Variants in RBPJ observed in about 807,000 individuals in gnomAD.
RBPJ encodes the protein recombination signal binding protein for immunoglobulin kappa J region.
RBPJ carries 9 observed loss-of-function variants against 67.8 expected under a neutral mutation model. That is an observed-to-expected ratio of 0.13 (90% confidence interval 0.08 to 0.23). The LOEUF is 0.23. Among genes scored for constraint, RBPJ ranks in the 10% least tolerant of loss-of-function variants. The pLI is 1.00. For missense variants in RBPJ, 305 were observed against 595.6 expected (o/e 0.51, Z 5.08); for synonymous variants, 198 against 203.3 (o/e 0.97, Z 0.22).
rs998357403 is a variant in RBPJ at position 26,433,891 on chromosome 4, T to C, written c.*2884T>C. 16 of 152,240 alleles carry C rather than the reference T, an allele frequency of 1.1e-4. No homozygotes were observed. The highest frequency in any genetic ancestry group is 3.9e-4 in the African/African-American group (16 of 41,464). The allele number at this position is 152,240 out of a possible 1,614,324, so 9.4% of individuals were successfully genotyped here. The stretch of plus-strand genomic sequence containing the variant: ...GTCATTTACCCTCAGAAAGACTCTC[T>C]TATTAGAATGGTGAGTGCTTCAGTT... On this transcript the variant is annotated 3_prime_UTR_variant, in exon 11 of 11. Transcript: ENST00000355476.
intron 1 of RBPJ, among the ~76,000 whole-genome samples, chr4:26,372,647 C>T (rs1366609238): frequency 2.6e-5 from 4 of 152,144 alleles, no homozygotes; most frequent in South Asian, 2.1e-4. Flanking sequence ...TCTCTCAAGG[C>T]TTTCCCTCCT....
chr4:26,416,662 C>T (rs1488829039), intron 4 of RBPJ, among the ~76,000 whole-genome samples: 3 of 152,138 alleles, frequency 2.0e-5, no homozygotes, highest in East Asian at 1.9e-4. Context: ...TCTAAAATAG[C>T]GCATAAACAG....
At chr4:26,320,397 T>C (rs1339215342), upstream of RBPJ, among the ~76,000 whole-genome samples, 8 of 151,300 alleles carry the variant, frequency 5.3e-5, no homozygotes, top group Admixed American at 2.6e-4. Context: ...CATGGGGGGG[T>C]GTAATGAATG....
At position 26,433,235 on chromosome 4, in the gene RBPJ, T is replaced by C. The variant is rs186932258; in HGVS notation, c.*2228T>C. ...TTGTTGTAATTGTTCACTGTCTCTT[T>C]CTTACAGACCACTTATTTCTGAGTA... On this transcript the variant is annotated 3_prime_UTR_variant, in exon 11 of 11. Coordinates refer to ENST00000355476, the MANE Select transcript of RBPJ (RefSeq NM_015874.6). 1 of 152,332 alleles carries C rather than the reference T, an allele frequency of 6.6e-6. No homozygotes were observed. Among genetic ancestry groups the C allele is most frequent in the African/African-American group, 2.4e-5 (1 of 41,570 alleles). 9.4% of individuals were successfully genotyped at this position (152,332 alleles called of 1,614,324 possible).
At chr4:26,250,098 TCATCATTCCA>T (rs1720059043) in intron 1 of RBPJ, among the ~76,000 whole-genome samples, 2 of 152,028 alleles carry the variant, frequency 1.3e-5, no homozygotes, top group East Asian at 3.9e-4. Flanking sequence ...CCGAACTTTT[TCATCATTCCA>T]AATAGAAACT....
Position 26,372,678 on chromosome 4 carries a change from T to G in RBPJ, c.21-13675T>G, listed in dbSNP as rs142168185. On this transcript the variant is annotated intron_variant, in intron 1 of 10. Transcript: ENST00000355476. ...CTCCTATACTAGTGTTTCCATAAGT[T>G]ACTGATGATGTGTACTTTAATCAGT... Among the ~76,000 whole-genome samples, 7 of 152,340 alleles carry G rather than the reference T, an allele frequency of 4.6e-5. No individual in the cohort carries two copies. The East Asian group carries it at 1.3e-3, about 29-fold the overall frequency.
chr4:26,237,333 A>G (rs1403005941), intron 1 of RBPJ, among the ~76,000 whole-genome samples: 2 of 149,862 alleles, frequency 1.3e-5, no homozygotes, highest in African/African-American at 4.9e-5. Context: ...CAAAAAAAAT[A>G]TTAATAGATG....
chr4:26,302,908 C>T (rs975429792), intron 1 of RBPJ, among the ~76,000 whole-genome samples: 2 of 152,054 alleles, frequency 1.3e-5, no homozygotes, highest in Admixed American at 1.3e-4. Flanking sequence ...TGGCTGGGCG[C>T]AGTGGCCTAC....
At chr4:26,260,218 T>A (rs899923418) in intron 1 of RBPJ, among the ~76,000 whole-genome samples, 4 of 152,236 alleles carry the variant, frequency 2.6e-5, no homozygotes, top group Non-Finnish European at 5.9e-5. Context: ...AATTGTGAGT[T>A]TGATAGGCAC....
chr4:26,130,630 C>T, the RBPJ span, among the ~76,000 whole-genome samples: 8 of 152,170 alleles, frequency 5.3e-5, no homozygotes, highest in African/African-American at 1.9e-4. Flanking sequence ...TCCCATTACT[C>T]TCCCCGTAAC....
chr4:26,121,653 T>C, the RBPJ span, among the ~76,000 whole-genome samples: 1 of 152,134 alleles, frequency 6.6e-6, no homozygotes, highest in Non-Finnish European at 1.5e-5. Context: ...AATTACTCTG[T>C]AAATCATAGT....
At chr4:26,191,454 A>G (rs1428320190) in intron 1 of RBPJ, among the ~76,000 whole-genome samples, 4 of 151,862 alleles carry the variant, frequency 2.6e-5, no homozygotes, top group Non-Finnish European at 5.9e-5. Flanking sequence ...AGTGACCAAG[A>G]CCACCCCAGG....
intron 1 of RBPJ, among the ~76,000 whole-genome samples, chr4:26,256,821 C>T (rs1720357782): frequency 6.6e-6 from 1 of 152,206 alleles, no homozygotes; most frequent in Non-Finnish European, 1.5e-5. Flanking sequence ...TTGAGAACTT[C>T]ATTTAACAAT....
chr4:26,212,313 C>G (rs1718453074), intron 1 of RBPJ, among the ~76,000 whole-genome samples: 1 of 152,040 alleles, frequency 6.6e-6, no homozygotes, highest in Admixed American at 6.6e-5. Flanking sequence ...TGGCTCATAA[C>G]TTCCATGGCT....
chr4:26,295,021 C>T (rs977544323), intron 1 of RBPJ, among the ~76,000 whole-genome samples: 2 of 152,182 alleles, frequency 1.3e-5, no homozygotes, highest in Non-Finnish European at 2.9e-5. Context: ...GTTCACCAGG[C>T]TTTGCCCTTC....
chr4:26,255,605 A>G (rs1720307659), intron 1 of RBPJ, among the ~76,000 whole-genome samples: 1 of 149,412 alleles, frequency 6.7e-6, no homozygotes, highest in African/African-American at 2.5e-5. Flanking sequence ...GATCGAGACC[A>G]TCCTGGCTAA....
upstream of RBPJ, chr4:26,320,803 C>T (rs754661034): frequency 1.7e-5 from 27 of 1,556,916 alleles, no homozygotes; most frequent in South Asian, 2.6e-4. Flanking sequence ...CCTGCGCATG[C>T]TCCATCGCCT....
chr4:26,142,774 G>A, the RBPJ span, among the ~76,000 whole-genome samples: 1 of 150,950 alleles, frequency 6.6e-6, no homozygotes, highest in Non-Finnish European at 1.5e-5. Context: ...GTGTGTGTAT[G>A]TGTGTGTGTG....
At chr4:26,285,107 G>A (rs1304900977) in intron 1 of RBPJ, among the ~76,000 whole-genome samples, 4 of 151,540 alleles carry the variant, frequency 2.6e-5, no homozygotes, top group South Asian at 2.1e-4. Flanking sequence ...CGCCCACCTC[G>A]GCCTCCCAAA....
Sources: gnomAD v4.1 joint callset for allele counts (sites outside exome capture counted in the v4.1 genomes callset) on GRCh38, gnomAD v4.1.1 for gene constraint, MANE v1.5 for transcripts, NCBI Gene and HGNC (gene_info 2026-07-23, HGNC 2026-07-21) for gene names.